GTF2F2: variants seen among roughly 807,000 people sequenced by gnomAD.
GTF2F2 encodes the protein ATP-dependent helicase GTF2F2.
In GTF2F2, 23 loss-of-function variants were observed where a neutral mutation model predicts 42.2. That is an observed-to-expected ratio of 0.55 (90% CI 0.39 to 0.77). GTF2F2 has a LOEUF of 0.77. GTF2F2 is among the 30% of genes least tolerant of loss of function. GTF2F2 has a pLI of 0.00. For synonymous variants in GTF2F2, 105 were observed against 100.8 expected (o/e 1.04, Z -0.25); for missense variants, 261 against 287.2 (o/e 0.91, Z 0.66).
Position 45,120,681 on chromosome 13 carries a change from T to G in GTF2F2, c.26T>G (p.Leu9Trp). ...ATGGCCGAGCGCGGGGAACTCGACT[T>G]GACCGGCGCCAAACAGAACACAGGA... MAERGELDLTGAKQNTGVW... is the reference protein window; with the variant it reads MAERGELDWTGAKQNTGVW... The change falls in exon 1 of 8, where the codon TTG becomes TGG. Residue 9 changes from leucine (L) to tryptophan (W), a missense_variant. Coordinates refer to ENST00000340473, the MANE Select transcript of GTF2F2 (RefSeq NM_004128.3). The G allele has an allele frequency of 1.9e-6, 3 of 1,561,644 alleles. No homozygotes were observed. The highest frequency in any genetic ancestry group is 2.6e-6 in the Non-Finnish European group (3 of 1,151,966).
chr13:45,222,029 G>C (rs1874141814), intron 5 of GTF2F2, among the ~76,000 whole-genome samples: 1 of 152,052 alleles, frequency 6.6e-6, no homozygotes, highest in Admixed American at 6.6e-5. Context: ...GGGTGAAATA[G>C]TATAGACTTC....
At chr13:45,282,569 G>A (rs1202903788) in intron 7 of GTF2F2, among the ~76,000 whole-genome samples, 1 of 152,142 alleles carries the variant, frequency 6.6e-6, no homozygotes, top group Non-Finnish European at 1.5e-5. Context: ...CAATGGCACA[G>A]TCTCAGCTCA....
chr13:45,132,462 G>A (rs1293762815), intron 1 of GTF2F2, among the ~76,000 whole-genome samples: 1 of 142,482 alleles, frequency 7.0e-6, no homozygotes, highest in Admixed American at 7.1e-5. Flanking sequence ...TTTTGTTTTT[G>A]CCACATCGGC....
intron 4 of GTF2F2, among the ~76,000 whole-genome samples, chr13:45,188,062 T>C (rs1256343353): frequency 4.6e-5 from 7 of 152,138 alleles, no homozygotes; most frequent in African/African-American, 1.4e-4. Flanking sequence ...CGCACCACCA[T>C]GCCCAGCTAA....
chr13:45,191,129 T>C (rs1016810649), intron 4 of GTF2F2, among the ~76,000 whole-genome samples: 19 of 148,498 alleles, frequency 1.3e-4, no homozygotes, highest in African/African-American at 4.5e-4. Context: ...CATAGCACTT[T>C]GGGAGGCCGA....
intron 4 of GTF2F2, among the ~76,000 whole-genome samples, chr13:45,178,933 A>T (rs1872016069): frequency 6.6e-6 from 1 of 151,992 alleles, no homozygotes; most frequent in South Asian, 2.1e-4. Flanking sequence ...ATTGCCTGAG[A>T]GTTGGTGCAT....
chr13:45,180,564 G>A (rs1367502734), intron 4 of GTF2F2, among the ~76,000 whole-genome samples: 2 of 152,102 alleles, frequency 1.3e-5, no homozygotes, highest in Non-Finnish European at 2.9e-5. Flanking sequence ...TACTGCTTGT[G>A]TAAGGAAAAG....
At chr13:45,170,828 C>T (rs545713836) in intron 4 of GTF2F2, among the ~76,000 whole-genome samples, 1 of 152,206 alleles carries the variant, frequency 6.6e-6, no homozygotes, top group East Asian at 1.9e-4. Flanking sequence ...AAGGATGTGG[C>T]TTCCAACTGA....
chr13:45,179,334 A>T lies in GTF2F2; in HGVS notation c.304+27503A>T, dbSNP rs143555221. Among the ~76,000 whole-genome samples, 22 of 152,334 alleles carry T rather than the reference A, an allele frequency of 1.4e-4. No homozygotes were observed. In the East Asian group the frequency reaches 4.0e-3, roughly 28 times the overall value. On this transcript the variant is annotated intron_variant, in intron 4 of 7. Transcript: ENST00000340473. Reference sequence around the variant, plus strand: ...GGTATCCAGGGATTGAAATTAGGTGATCATTACAGTGACCATGTAGCTTAC... The same window carrying T: ...GGTATCCAGGGATTGAAATTAGGTGTTCATTACAGTGACCATGTAGCTTAC...
In GTF2F2 at chr13:45,151,679, T is replaced by C. The variant is rs1388076399; in HGVS notation, c.160-8T>C. 3 of 1,581,828 alleles carry C rather than the reference T, an allele frequency of 1.9e-6. No individual in the cohort carries two copies. On this transcript the variant is annotated splice_polypyrimidine_tract_variant and splice_region_variant and intron_variant, in intron 3 of 7. Transcript: ENST00000340473. ...TCTGTTATAATCTCTGGTTAATGTGTCTATTAGGTGTCATTTACTTTGAAT... is the reference window on the plus strand; with the variant it reads ...TCTGTTATAATCTCTGGTTAATGTGCCTATTAGGTGTCATTTACTTTGAAT...
chr13:45,209,805 G>A (rs1263095645), intron 5 of GTF2F2, among the ~76,000 whole-genome samples: 1 of 152,164 alleles, frequency 6.6e-6, no homozygotes, highest in African/African-American at 2.4e-5. Context: ...CACTTTTCTT[G>A]TCTCAGTTAA....
At chr13:45,218,967 T>C (rs1033202914) in intron 5 of GTF2F2, among the ~76,000 whole-genome samples, 1 of 152,186 alleles carries the variant, frequency 6.6e-6, no homozygotes, top group Non-Finnish European at 1.5e-5. Flanking sequence ...AAACTTGAAT[T>C]ATTTAAGGAA....
chr13:45,213,311 C>G (rs754707567), intron 5 of GTF2F2, among the ~76,000 whole-genome samples: 4 of 152,008 alleles, frequency 2.6e-5, no homozygotes, highest in Admixed American at 6.6e-5. Context: ...AATCACCTGA[C>G]CTTGTGATCC....
At chr13:45,172,781 G>C (rs1182018981) in intron 4 of GTF2F2, among the ~76,000 whole-genome samples, 2 of 152,126 alleles carry the variant, frequency 1.3e-5, no homozygotes, top group Non-Finnish European at 2.9e-5. Flanking sequence ...TGGACTCTCA[G>C]TTCTATTCCA....
chr13:45,261,270 C>T (rs895891106), intron 6 of GTF2F2, among the ~76,000 whole-genome samples: 3 of 150,324 alleles, frequency 2.0e-5, no homozygotes, highest in African/African-American at 7.3e-5. Flanking sequence ...ACTGAAAATA[C>T]AAAAAATTAG....
At chr13:45,186,866 T>C (rs1872448966) in intron 4 of GTF2F2, among the ~76,000 whole-genome samples, 1 of 152,214 alleles carries the variant, frequency 6.6e-6, no homozygotes, top group African/African-American at 2.4e-5. Flanking sequence ...TCAAAACATA[T>C]GTGCTAAACA....
chr13:45,241,842 C>G (rs1415203115), intron 5 of GTF2F2, among the ~76,000 whole-genome samples: 7 of 152,106 alleles, frequency 4.6e-5, no homozygotes, highest in Non-Finnish European at 1.0e-4. Flanking sequence ...CATGCCTGTT[C>G]TGGGCCCTAG....
At chr13:45,173,612 ATTTTTTTT>A (rs56033747) in intron 4 of GTF2F2, among the ~76,000 whole-genome samples, 312 of 93,698 alleles carry the variant, frequency 3.3e-3, no homozygotes, top group Non-Finnish European at 4.3e-3. Flanking sequence ...TAACTTTGTC[ATTTTTTTT>A]TTTTTTTTTT....
chr13:45,225,844 C>T (rs569127934), intron 5 of GTF2F2, among the ~76,000 whole-genome samples: 1 of 152,002 alleles, frequency 6.6e-6, no homozygotes, highest in Non-Finnish European at 1.5e-5. Context: ...GACAGTGGTG[C>T]CTGTTGTACT....
Sources: gnomAD v4.1 joint callset for allele counts (sites outside exome capture counted in the v4.1 genomes callset) on GRCh38, gnomAD v4.1.1 for gene constraint, MANE v1.5 for transcripts, NCBI Gene and HGNC (gene_info 2026-07-23, HGNC 2026-07-21) for gene names.